Variants in C9orf85 observed in about 807,000 individuals in gnomAD.
The protein encoded by C9orf85 is chromosome 9 open reading frame 85.
A neutral mutation model predicts 14.9 loss-of-function variants in C9orf85; 16 were observed. That is an observed-to-expected ratio of 1.08 (90% CI 0.73 to 1.63). The LOEUF (loss-of-function observed/expected upper bound fraction) is 1.63. Among genes scored for constraint, C9orf85 ranks in the 40% most tolerant of loss-of-function variants. The pLI is 0.00. For synonymous variants in C9orf85, 45 were observed against 56.8 expected, an observed-to-expected ratio of 0.79 and a Z score of 0.93; for missense variants, 172 against 186.1, an observed-to-expected ratio of 0.92 and a Z score of 0.44.
At chr9:71,912,787 G>A (rs1564079548) in intron 1 of C9orf85, among the ~76,000 whole-genome samples, 1 of 152,148 alleles carries the variant, frequency 6.6e-6, no homozygotes, top group Non-Finnish European at 1.5e-5. Context: ...GGGAGGCTGA[G>A]GCAGGGGAAT....
chr9:71,912,820 G>A (rs1361139269), intron 1 of C9orf85, among the ~76,000 whole-genome samples: 1 of 152,140 alleles, frequency 6.6e-6, no homozygotes. Flanking sequence ...GGAGGCGGTG[G>A]TTGCAGTGAG....
At chr9:71,972,030 G>T (rs1278495225) in intron 3 of C9orf85, among the ~76,000 whole-genome samples, 1 of 149,378 alleles carries the variant, frequency 6.7e-6, no homozygotes, top group Non-Finnish European at 1.5e-5. Context: ...TTAGACTTAA[G>T]TTGTATGTCA....
chr9:71,969,926 C>G (rs886472957), intron 2 of C9orf85, among the ~76,000 whole-genome samples: 7 of 144,468 alleles, frequency 4.8e-5, no homozygotes, highest in Non-Finnish European at 9.0e-5. Context: ...ATGATATATA[C>G]TTTATATAAA....
intron 2 of C9orf85, among the ~76,000 whole-genome samples, chr9:71,970,899 GCATGC>G (rs1822843845): frequency 6.6e-6 from 1 of 150,964 alleles, no homozygotes; most frequent in Non-Finnish European, 1.5e-5. Context: ...CATCTCCCAG[GCATGC>G]CACCACACCC....
At chr9:71,937,626 C>T (rs1348284196) in intron 1 of C9orf85, among the ~76,000 whole-genome samples, 1 of 152,124 alleles carries the variant, frequency 6.6e-6, no homozygotes, top group Non-Finnish European at 1.5e-5. Context: ...TATATACTTT[C>T]ACTTCTCAGT....
At chr9:71,980,808 G>A (rs1294786797) in intron 3 of C9orf85, among the ~76,000 whole-genome samples, 1 of 152,146 alleles carries the variant, frequency 6.6e-6, no homozygotes, top group African/African-American at 2.4e-5. Context: ...TGCAACACTT[G>A]TGGCTGCCAG....
chr9:71,916,413 A>G lies in C9orf85; in HGVS notation c.102+4577A>G, dbSNP rs145430323. 4.8e-3 allele frequency among the ~76,000 whole-genome samples: 725 copies of G among 152,268 alleles called. 7 individuals carry two copies. Among genetic ancestry groups the G allele is most frequent in the Middle Eastern group, 6.8e-3 (2 of 294 alleles). ...GATCAAATCACTTTGGAAATACTGT[A>G]TACTAGATCTCACTTTTAGAGGTGG... On this transcript the variant is annotated intron_variant, in intron 1 of 3. Transcript: ENST00000334731.
intron 2 of C9orf85, among the ~76,000 whole-genome samples, chr9:71,952,231 T>C (rs908139392): frequency 1.3e-5 from 2 of 152,222 alleles, no homozygotes; most frequent in Non-Finnish European, 2.9e-5. Context: ...AAAGTCCTTT[T>C]CTCCTCTTCA....
At chr9:71,918,854 GTAA>G (rs976945825) in intron 1 of C9orf85, among the ~76,000 whole-genome samples, 3 of 152,046 alleles carry the variant, frequency 2.0e-5, no homozygotes, top group African/African-American at 2.4e-5. Flanking sequence ...ATATTACAAT[GTAA>G]TAATAATATA....
chr9:71,939,441 G>T (rs1828276726), intron 1 of C9orf85, among the ~76,000 whole-genome samples: 2 of 152,074 alleles, frequency 1.3e-5, no homozygotes, highest in South Asian at 4.2e-4. Flanking sequence ...GTATAAAAAG[G>T]ACAATATATT....
At chr9:71,979,939 C>T (rs1823065884) in intron 3 of C9orf85, among the ~76,000 whole-genome samples, 1 of 151,918 alleles carries the variant, frequency 6.6e-6, no homozygotes. Context: ...TTCAGTATGA[C>T]CTTATGTATT....
At chr9:71,912,455 A>C (rs1181502571) in intron 1 of C9orf85, among the ~76,000 whole-genome samples, 2 of 152,176 alleles carry the variant, frequency 1.3e-5, no homozygotes, top group African/African-American at 2.4e-5. Context: ...TATAAGTACT[A>C]ATTTGCAGGC....
chr9:71,964,245 A>C (rs1822619412), intron 2 of C9orf85, among the ~76,000 whole-genome samples: 1 of 152,042 alleles, frequency 6.6e-6, no homozygotes, highest in South Asian at 2.1e-4. Flanking sequence ...CCCTGTCAAC[A>C]CAGACCACTG....
rs548704279 is a variant in C9orf85, at chr9:71,953,887, C to G, written c.209+6775C>G. Among the ~76,000 whole-genome samples the G allele has an allele frequency of 2.2e-3, 328 of 152,148 alleles. 3 individuals carry two copies. The highest frequency in any genetic ancestry group is 7.5e-3 in the African/African-American group (310 of 41,524). On this transcript the variant is annotated intron_variant, in intron 2 of 3. Coordinates refer to ENST00000334731, the MANE Select transcript of C9orf85 (RefSeq NM_182505.5). ...GCTAAGGCAGGAGGATCACTTGATT[C>G]TAGGAGTTTGAGACTAGCCTGGGCA... is the stretch of plus-strand genomic sequence containing the variant.
intron 2 of C9orf85, among the ~76,000 whole-genome samples, chr9:71,957,082 G>A (rs1169093969): frequency 6.6e-6 from 1 of 151,964 alleles, no homozygotes; most frequent in East Asian, 1.9e-4. Context: ...CCAAAGTGCT[G>A]GGATTACAGT....
At position 71,911,733 on chromosome 9, in the gene C9orf85, C is replaced by G. The variant is rs143548150; in HGVS notation, c.-2C>G. The stretch of plus-strand genomic sequence containing the variant: ...CGGCGAGGGGTGGCTTTGATTTCGG[C>G]GATGAGCTCCCAGAAAGGCAACGTG... On this transcript the variant is annotated 5_prime_UTR_variant, in exon 1 of 4. Coordinates refer to ENST00000334731, the MANE Select transcript of C9orf85 (RefSeq NM_182505.5). 6.2e-7 allele frequency: 1 copy of G among 1,613,786 alleles called. No homozygotes were observed. Among genetic ancestry groups the G allele is most frequent in the African/African-American group, 1.3e-5 (1 of 74,912 alleles).
At chr9:71,959,432 C>T (rs970284648) in intron 2 of C9orf85, among the ~76,000 whole-genome samples, 2 of 152,078 alleles carry the variant, frequency 1.3e-5, no homozygotes, top group African/African-American at 2.4e-5. Flanking sequence ...CCACTGTGTC[C>T]GGCCAAAGTT....
At chr9:71,960,747 A>C (rs889366971) in intron 2 of C9orf85, among the ~76,000 whole-genome samples, 2 of 151,794 alleles carry the variant, frequency 1.3e-5, no homozygotes, top group Non-Finnish European at 2.9e-5. Context: ...GGGTTTCATC[A>C]TGTTGGCCAG....
intron 1 of C9orf85, among the ~76,000 whole-genome samples, chr9:71,944,976 T>G (rs1822046809): frequency 6.6e-6 from 1 of 152,130 alleles, no homozygotes; most frequent in African/African-American, 2.4e-5. Flanking sequence ...GTTTCCAAAC[T>G]CTGCACAGCT....
Sources: gnomAD v4.1 joint callset for allele counts (sites outside exome capture counted in the v4.1 genomes callset) on GRCh38, gnomAD v4.1.1 for gene constraint, MANE v1.5 for transcripts, NCBI Gene and HGNC (gene_info 2026-07-23, HGNC 2026-07-21) for gene names.